Variants in NPAS3 observed in about 807,000 individuals in gnomAD.
NPAS3 encodes the protein neuronal PAS domain-containing protein 3.
NPAS3 carries 14 observed loss-of-function variants against 73.1 expected under a neutral mutation model. The ratio of observed to expected loss-of-function variants is 0.19; its 90% CI spans 0.13 to 0.30. The LOEUF (loss-of-function observed/expected upper bound fraction) is 0.30. NPAS3 is among the 10% of genes least tolerant of loss of function. NPAS3 has a pLI of 1.00. For missense variants in NPAS3, 1,096 were observed against 1,250.0 expected, an observed-to-expected ratio of 0.88 and a Z score of 1.86; for synonymous variants, 620 against 541.5, an observed-to-expected ratio of 1.14 and a Z score of -2.01.
chr14:32,978,247 T>C (rs1317518650), intron 1 of NPAS3, among the ~76,000 whole-genome samples: 2 of 152,186 alleles, frequency 1.3e-5, no homozygotes, highest in African/African-American at 4.8e-5. Flanking sequence ...CTGCTGTGAC[T>C]GGAGGGTTGG....
chr14:33,448,670 G>A (rs2049635991), intron 4 of NPAS3, among the ~76,000 whole-genome samples: 1 of 152,142 alleles, frequency 6.6e-6, no homozygotes. Flanking sequence ...CCTAAATTTT[G>A]GTGGTCTTTA....
chr14:32,972,475 A>G (rs2037476545), intron 1 of NPAS3, among the ~76,000 whole-genome samples: 1 of 152,160 alleles, frequency 6.6e-6, no homozygotes, highest in African/African-American at 2.4e-5. Context: ...TGCACACACA[A>G]CTTTTGCCAA....
intron 5 of NPAS3, among the ~76,000 whole-genome samples, chr14:33,571,828 G>A (rs1024783418): frequency 6.6e-6 from 1 of 152,170 alleles, no homozygotes; most frequent in Non-Finnish European, 1.5e-5. Flanking sequence ...TTGAGCACTC[G>A]AAATTGAAAG....
At chr14:33,619,353 G>C (rs894851649) in intron 5 of NPAS3, among the ~76,000 whole-genome samples, 5 of 151,992 alleles carry the variant, frequency 3.3e-5, no homozygotes, top group African/African-American at 7.2e-5. Context: ...GCATTTCTCT[G>C]TTCCTGAAGT....
intron 4 of NPAS3, among the ~76,000 whole-genome samples, chr14:33,421,717 G>A (rs1446684238): frequency 6.6e-6 from 1 of 151,696 alleles, no homozygotes; most frequent in Non-Finnish European, 1.5e-5. Flanking sequence ...TTAAACATTG[G>A]GTAGACAAGT....
intron 4 of NPAS3, among the ~76,000 whole-genome samples, chr14:33,510,949 G>A (rs1489794025): frequency 1.3e-5 from 2 of 152,044 alleles, no homozygotes. Flanking sequence ...GGGGGTTAAT[G>A]AGCTTTCAGC....
At chr14:32,936,228 G>A (rs1314329362), upstream of NPAS3, among the ~76,000 whole-genome samples, 3 of 151,972 alleles carry the variant, frequency 2.0e-5, no homozygotes, top group East Asian at 5.8e-4. Flanking sequence ...AACACACTGA[G>A]TGTTTTCCAA....
chr14:33,405,624 G>T (rs2047631854), intron 4 of NPAS3, among the ~76,000 whole-genome samples: 1 of 151,858 alleles, frequency 6.6e-6, no homozygotes, highest in Non-Finnish European at 1.5e-5. Flanking sequence ...ATATTTTGGG[G>T]GTATTTTGTT....
intron 2 of NPAS3, among the ~76,000 whole-genome samples, chr14:33,067,527 T>A (rs1399657317): frequency 6.6e-6 from 1 of 152,246 alleles, no homozygotes; most frequent in African/African-American, 2.4e-5. Context: ...CTTTGCATTG[T>A]TTCACCTCAC....
chr14:33,400,633 C>G (rs547601418), intron 4 of NPAS3, among the ~76,000 whole-genome samples: 2 of 152,164 alleles, frequency 1.3e-5, no homozygotes, highest in South Asian at 4.1e-4. Context: ...AACAACATAA[C>G]CAGGGACATT....
chr14:33,061,085 G>T (rs2041080427), intron 2 of NPAS3, among the ~76,000 whole-genome samples: 1 of 152,178 alleles, frequency 6.6e-6, no homozygotes, highest in South Asian at 2.1e-4. Context: ...CAGCTCTTTT[G>T]TACAAGACAG....
intron 4 of NPAS3, among the ~76,000 whole-genome samples, chr14:33,543,659 C>T (rs1167230567): frequency 6.6e-6 from 1 of 152,112 alleles, no homozygotes; most frequent in East Asian, 1.9e-4. Flanking sequence ...CAAGTCCAGC[C>T]ACCTCCTCTA....
At chr14:33,746,395 G>T (rs1026054461) in intron 7 of NPAS3, among the ~76,000 whole-genome samples, 1 of 151,348 alleles carries the variant, frequency 6.6e-6, no homozygotes, top group Non-Finnish European at 1.5e-5. Context: ...CACCATGTTG[G>T]CCAGGCTGGT....
At chr14:33,495,195 C>T (rs2139852447) in intron 4 of NPAS3, among the ~76,000 whole-genome samples, 1 of 152,168 alleles carries the variant, frequency 6.6e-6, no homozygotes, top group South Asian at 2.1e-4. Context: ...TCACTGGTTT[C>T]AAAGAACTTC....
intron 5 of NPAS3, among the ~76,000 whole-genome samples, chr14:33,588,671 C>T (rs1264499361): frequency 1.3e-5 from 2 of 152,144 alleles, no homozygotes; most frequent in Non-Finnish European, 1.5e-5. Context: ...TGGAGTGCAG[C>T]GGTGTGACCT....
intron 3 of NPAS3, among the ~76,000 whole-genome samples, chr14:33,305,131 G>A (rs147131483): frequency 2.6e-5 from 4 of 151,892 alleles, no homozygotes; most frequent in Middle Eastern, 3.4e-3. Context: ...TAAAAGTATG[G>A]GATTAGGGCT....
At chr14:33,377,883 A>C (rs2046375694) in intron 4 of NPAS3, among the ~76,000 whole-genome samples, 1 of 152,216 alleles carries the variant, frequency 6.6e-6, no homozygotes, top group Non-Finnish European at 1.5e-5. Flanking sequence ...TATTTACTCC[A>C]TGCCTAATTT....
chr14:33,715,437 C>G (rs998081190), intron 6 of NPAS3, among the ~76,000 whole-genome samples: 30 of 152,072 alleles, frequency 2.0e-4, no homozygotes, highest in Admixed American at 9.2e-4. Flanking sequence ...ATTAAATGAG[C>G]ATTGGGCTGG....
intron 2 of NPAS3, among the ~76,000 whole-genome samples, chr14:33,168,933 T>C (rs141602970): frequency 2.8e-4 from 42 of 152,334 alleles, no homozygotes; most frequent in African/African-American, 9.6e-4. Context: ...AGATACATTG[T>C]AATATGAGAA....
Sources: gnomAD v4.1 joint callset for allele counts (sites outside exome capture counted in the v4.1 genomes callset) on GRCh38, gnomAD v4.1.1 for gene constraint, MANE v1.5 for transcripts, NCBI Gene and HGNC (gene_info 2026-07-23, HGNC 2026-07-21) for gene names.